SLK: variants seen among roughly 807,000 people sequenced by gnomAD.
SLK encodes the protein STE20-like serine/threonine-protein kinase.
A neutral mutation model predicts 147.7 loss-of-function variants in SLK; 67 were observed. That is an observed-to-expected ratio of 0.45 (90% CI 0.37 to 0.56). SLK has a LOEUF of 0.56. SLK is among the 20% of genes least tolerant of loss of function. The pLI is 0.00. For synonymous variants in SLK, 441 were observed against 475.0 expected (o/e 0.93, Z 0.93); for missense variants, 1,136 against 1,438.8 (o/e 0.79, Z 3.41).
chr10:103,990,580 T>G, intron 1 of SLK, 95 bp from the exon 2 acceptor site: 1 of 681,716 alleles, frequency 1.5e-6, no homozygotes, highest in Non-Finnish European at 2.3e-6. Context: ...TAAATATGAA[T>G]TAAATATGAA....
At position 104,002,792 on chromosome 10, in the gene SLK, A is replaced by C; in HGVS notation, c.1614A>C (p.Gln538His). The change falls in exon 9 of 19, where the codon CAA (glutamine) becomes CAC (histidine). Residue 538 changes from glutamine (Q) to histidine (H), a missense_variant. Gln to His is a conservative substitution (Grantham distance 24, BLOSUM62 0). Around this residue, in one of 6 missense-constraint regions of SLK, gnomAD observed 516 missense variants for 531.3 expected, o/e 0.97. Coordinates refer to ENST00000369755, the MANE Select transcript of SLK (RefSeq NM_014720.4). Reference sequence around the variant, plus strand: ...AATTGGGGGAAGACGACAAAACTCAAAAAGATGTGATCAGCAATACAAGTG... The same window carrying C: ...AATTGGGGGAAGACGACAAAACTCACAAAGATGTGATCAGCAATACAAGTG... ...QEKLGEDDKT[Q>H]KDVISNTSDV... The C allele has an allele frequency of 6.2e-7, 1 of 1,614,150 alleles. No homozygotes were observed. Among genetic ancestry groups the C allele is most frequent in the African/African-American group, 1.3e-5 (1 of 75,044 alleles).
chr10:103,968,125 G>A (rs1427637622), intron 1 of SLK, among the ~76,000 whole-genome samples: 1 of 152,132 alleles, frequency 6.6e-6, no homozygotes, highest in East Asian at 1.9e-4. Context: ...AAGGAGACAG[G>A]GTTATAAAGT....
rs1447824048 is a variant in SLK at position 104,002,688 on chromosome 10, CAAG to C, written c.1512_1514del (p.Glu505del). The C allele has an allele frequency of 6.2e-7, 1 of 1,611,278 alleles. No individual in the cohort carries two copies. Among genetic ancestry groups the C allele is most frequent in the Non-Finnish European group, 8.5e-7 (1 of 1,179,312 alleles). ...TTTGCAAACAGTAGATTTAGTTTCT[CAAG>C]AGACTGGAGAAAAAGAGGCAAATAT... On this transcript the variant is annotated inframe_deletion, in exon 9 of 19. Transcript: ENST00000369755.
intron 1 of SLK, among the ~76,000 whole-genome samples, chr10:103,976,803 G>A (rs1293774013): frequency 2.0e-5 from 3 of 152,136 alleles, no homozygotes; most frequent in Non-Finnish European, 2.9e-5. Flanking sequence ...TTTCGGAATG[G>A]CTCTGTAATT....
chr10:103,974,580 A>C (rs1268075491), intron 1 of SLK: 13 of 59,558 alleles, frequency 2.2e-4, no homozygotes, highest in Non-Finnish European at 2.6e-4. Flanking sequence ...GCGCCACTGC[A>C]CTCCCGCCTG....
At chr10:103,999,821 A>T (rs1227083605) in intron 6 of SLK, 46 bp from the exon 7 acceptor site, 1 of 811,714 alleles carries the variant, frequency 1.2e-6, no homozygotes, top group African/African-American at 1.7e-5. Context: ...GTTTAATTTG[A>T]TTAACAAGAA....
chr10:103,990,869 A>G, intron 2 of SLK, 30 bp downstream of exon 2: 1 of 1,350,840 alleles, frequency 7.4e-7, no homozygotes, highest in Non-Finnish European at 9.8e-7. Flanking sequence ...CTAAAGGAGT[A>G]GCCAAAATGA....
At chr10:103,968,439 T>C (rs1589521547) in intron 1 of SLK, among the ~76,000 whole-genome samples, 1 of 152,184 alleles carries the variant, frequency 6.6e-6, no homozygotes, top group Non-Finnish European at 1.5e-5. Flanking sequence ...TCTGACAAAA[T>C]TTCCAAAAAA....
chr10:104,026,429 T>C lies in SLK; in HGVS notation c.*709T>C, dbSNP rs1378975004. The C allele has an allele frequency of 6.6e-6, 1 of 152,576 alleles. No individual in the cohort carries two copies. Among genetic ancestry groups the C allele is most frequent in the Non-Finnish European group, 1.5e-5 (1 of 68,022 alleles). The allele number at this position is 152,576 out of a possible 1,614,324, so 9.5% of individuals were successfully genotyped here. On this transcript the variant is annotated 3_prime_UTR_variant, in exon 19 of 19. Coordinates refer to ENST00000369755, the MANE Select transcript of SLK (RefSeq NM_014720.4). Reference sequence around the variant, plus strand: ...AAAAACATCTTTAGAATTAAAAACATGGTTGTTTTGGAATTTTTGCTTCTC... The same window carrying C: ...AAAAACATCTTTAGAATTAAAAACACGGTTGTTTTGGAATTTTTGCTTCTC...
At chr10:103,989,470 T>TTTTTTC (rs1844061409) in intron 1 of SLK, among the ~76,000 whole-genome samples, 1 of 139,908 alleles carries the variant, frequency 7.1e-6, no homozygotes, top group South Asian at 2.3e-4. Flanking sequence ...GTTTCTTTTT[T>TTTTTTC]TTTTTTTTTT....
chr10:104,013,548 C>A (rs1201195630), intron 13 of SLK, among the ~76,000 whole-genome samples: 1 of 152,210 alleles, frequency 6.6e-6, no homozygotes, highest in South Asian at 2.1e-4. Flanking sequence ...AGAAACTCAA[C>A]ATTTGTATAA....
intron 14 of SLK, 30 bp from the exon 15 acceptor site, chr10:104,018,754 A>G: frequency 6.3e-7 from 1 of 1,589,352 alleles, no homozygotes; most frequent in Non-Finnish European, 8.5e-7. Flanking sequence ...AAAAGAGCAA[A>G]GTGACATTTT....
chr10:103,969,857 G>GT (rs1843770193), intron 1 of SLK, among the ~76,000 whole-genome samples: 1 of 152,208 alleles, frequency 6.6e-6, no homozygotes, highest in Non-Finnish European at 1.5e-5. Context: ...TTAAAGTTCT[G>GT]TGAGTATGTA....
intron 3 of SLK, 144 bp downstream of exon 3, chr10:103,992,790 G>T (rs1844118106): frequency 4.8e-6 from 1 of 207,766 alleles, no homozygotes; most frequent in Non-Finnish European, 7.9e-6. Context: ...TTATATTCTT[G>T]GATAATTATA....
intron 13 of SLK, among the ~76,000 whole-genome samples, chr10:104,013,089 C>CT (rs1483405445): frequency 1.3e-5 from 2 of 152,174 alleles, no homozygotes; most frequent in Non-Finnish European, 2.9e-5. Context: ...ATTTAGTAAT[C>CT]TAACAAATAT....
intron 1 of SLK, among the ~76,000 whole-genome samples, chr10:103,968,711 A>G (rs568186388): frequency 6.6e-6 from 1 of 152,350 alleles, no homozygotes; most frequent in African/African-American, 2.4e-5. Context: ...GTTGCCTAGA[A>G]GTGAAAACGT....
intron 18 of SLK, among the ~76,000 whole-genome samples, chr10:104,023,187 G>A (rs1844557239): frequency 6.6e-6 from 1 of 152,144 alleles, no homozygotes. Context: ...TTGTGACACA[G>A]CTCTGCTCAT....
Position 103,967,895 on chromosome 10 carries a change from G to A in SLK, c.150G>A (p.Lys50=), listed in dbSNP as rs772960805. The change falls in exon 1 of 19, where the codon AAG becomes AAA. Residue 50 remains lysine, a splice_region_variant and synonymous_variant. Transcript: ENST00000369755. ...ACGGAGCCTTTGGGAAAGTGTACAAGGTAAGAGGGGGAAAACGGGAAGTTG... is the reference window on the plus strand; with the variant it reads ...ACGGAGCCTTTGGGAAAGTGTACAAAGTAAGAGGGGGAAAACGGGAAGTTG... ...LGDGAFGKVY[K]AQNKETSVLA... is the part of the protein sequence containing the mutation. The A allele has an allele frequency of 1.3e-6, 2 of 1,573,312 alleles. No individual in the cohort carries two copies. The highest frequency in any genetic ancestry group is 3.6e-5 in the Admixed American group (2 of 55,016).
Position 104,020,468 on chromosome 10 carries a change from T to C in SLK, c.3322-20T>C, listed in dbSNP as rs1844520019. 2.5e-6 allele frequency: 4 copies of C among 1,602,622 alleles called. No homozygotes were observed. Among genetic ancestry groups the C allele is most frequent in the East Asian group, 4.5e-5 (2 of 44,808 alleles). On this transcript the variant is annotated intron_variant, in intron 16 of 18. Coordinates refer to ENST00000369755, the MANE Select transcript of SLK (RefSeq NM_014720.4). Reference sequence around the variant, plus strand: ...TCACATGCTTCTGAACTATAGTTTATCTTTTTTTCTTATTTATAGTTTGCT... The same window carrying C: ...TCACATGCTTCTGAACTATAGTTTACCTTTTTTTCTTATTTATAGTTTGCT...
Sources: allele counts gnomAD v4.1 joint callset (sites outside exome capture counted in the v4.1 genomes callset), GRCh38; gene constraint gnomAD v4.1.1; regional missense constraint gnomAD v4.1.1; transcripts MANE v1.5; gene names NCBI Gene and HGNC (gene_info 2026-07-23, HGNC 2026-07-21).